Variants in AJAP1 observed in about 807,000 individuals in gnomAD.
AJAP1 encodes adherens junctions associated protein 1.
A neutral mutation model predicts 35.0 loss-of-function variants in AJAP1; 5 were observed. The observed-to-expected ratio is 0.14, with a 90% CI of 0.07 to 0.30. AJAP1 has a LOEUF of 0.30. AJAP1 is among the 10% of genes least tolerant of loss of function. The pLI, the probability that AJAP1 is intolerant of heterozygous loss-of-function variation, is 1.00. For missense variants in AJAP1, 586 were observed against 571.0 expected, an observed-to-expected ratio of 1.03 and a Z score of -0.27; for synonymous variants, 284 against 249.3, an observed-to-expected ratio of 1.14 and a Z score of -1.31.
intron 2 of AJAP1, among the ~76,000 whole-genome samples, chr1:4,763,964 TCTGGTACTTCCACCAGTGTCC>T (rs1448530797): frequency 6.7e-6 from 1 of 150,340 alleles, no homozygotes; most frequent in Non-Finnish European, 1.5e-5. Context: ...GCCTTTAGAC[TCTGGTACTTCCACCAGTGTCC>T]CTGCCCACTG....
chr1:4,676,171 G>A (rs1016051904), intron 1 of AJAP1, among the ~76,000 whole-genome samples: 6 of 152,154 alleles, frequency 3.9e-5, no homozygotes, highest in Admixed American at 3.9e-4. Context: ...AGTGTGCACC[G>A]GCCTTGCCTC....
chr1:4,738,379 A>G (rs12138687), intron 2 of AJAP1, among the ~76,000 whole-genome samples: 15,797 of 152,268 alleles, frequency 0.1, 1,063 homozygotes, highest in South Asian at 0.29. Context: ...ATGTGGATTG[A>G]CTGGGGAGTT....
intron 1 of AJAP1, among the ~76,000 whole-genome samples, chr1:4,683,589 C>T (rs370810466): frequency 1.3e-3 from 198 of 152,352 alleles, no homozygotes; most frequent in African/African-American, 4.4e-3. Flanking sequence ...CAAGGAATTT[C>T]TACGGGTTTT....
rs1401245785 is a variant in AJAP1 at position 4,656,269 on chromosome 1, C to A, written c.29+815C>A. On this transcript the variant is annotated intron_variant, in intron 1 of 5. Coordinates refer to ENST00000378191, the MANE Select transcript of AJAP1 (RefSeq NM_018836.4). This position sits in a 1 kb window ranked among gnomAD's most constrained non-coding sequence, Gnocchi z 5.7. ...CCAGCCCGCCGGGGTTCTCGGGCTT[C>A]TCTGGCTTCTGCCTGGGGTGGCCCA... Among the ~76,000 whole-genome samples the A allele has an allele frequency of 2.6e-5, 4 of 152,188 alleles. No individual in the cohort carries two copies. The highest frequency in any genetic ancestry group is 5.9e-5 in the Non-Finnish European group (4 of 68,036).
In AJAP1 at chr1:4,656,740, C is replaced by T. The variant is rs1191322512; in HGVS notation, c.29+1286C>T. On this transcript the variant is annotated intron_variant, in intron 1 of 5. Transcript: ENST00000378191. The surrounding 1 kb of genome is among the most constrained non-coding windows in gnomAD (Gnocchi z 5.7). Reference sequence around the variant, plus strand: ...AGATGTTATTATTAGCATCCCTTCTCTCAGTGGCCGATCTTGCTGTGGGCT... The same window carrying T: ...AGATGTTATTATTAGCATCCCTTCTTTCAGTGGCCGATCTTGCTGTGGGCT... 6.6e-6 allele frequency among the ~76,000 whole-genome samples: 1 copy of T among 152,206 alleles called. No individual in the cohort carries two copies. Among genetic ancestry groups the T allele is most frequent in the Non-Finnish European group, 1.5e-5 (1 of 68,032 alleles).
chr1:4,675,591 A>T (rs1639345243), intron 1 of AJAP1, among the ~76,000 whole-genome samples: 1 of 152,214 alleles, frequency 6.6e-6, no homozygotes, highest in Admixed American at 6.5e-5. Context: ...TCTGACCCAA[A>T]GCCTCTAGCC....
chr1:4,672,174 C>T (rs755631526), intron 1 of AJAP1, among the ~76,000 whole-genome samples: 2 of 152,136 alleles, frequency 1.3e-5, no homozygotes, highest in Admixed American at 6.5e-5. Context: ...GAGGAGGGAG[C>T]GGTCGGGAGT....
chr1:4,668,644 A>G (rs1378304792), intron 1 of AJAP1, among the ~76,000 whole-genome samples: 1 of 152,194 alleles, frequency 6.6e-6, no homozygotes, highest in Non-Finnish European at 1.5e-5. Context: ...CCCGTAACTC[A>G]GGCTCTGGTG....
At chr1:4,778,059 AT>A (rs1641974849) in intron 5 of AJAP1, among the ~76,000 whole-genome samples, 1 of 152,142 alleles carries the variant, frequency 6.6e-6, no homozygotes, top group Non-Finnish European at 1.5e-5. Context: ...GTATGTATTT[AT>A]TTATTTTTTG....
At chr1:4,750,524 G>C (rs560242459) in intron 2 of AJAP1, among the ~76,000 whole-genome samples, 1 of 152,218 alleles carries the variant, frequency 6.6e-6, no homozygotes, top group Admixed American at 6.5e-5. Flanking sequence ...TGCCAGGCTG[G>C]GATCAGTGGG....
intron 1 of AJAP1, among the ~76,000 whole-genome samples, chr1:4,702,154 G>A (rs567100686): frequency 2.0e-5 from 3 of 151,904 alleles, no homozygotes; most frequent in East Asian, 1.9e-4. Context: ...TGTGTCCCCA[G>A]TATTCTAACA....
In AJAP1 at chr1:4,784,977, C is replaced by G. The variant is rs1470645393; in HGVS notation, c.*2492C>G. 2 of 152,346 alleles carry G rather than the reference C, an allele frequency of 1.3e-5. No individual in the cohort carries two copies. The highest frequency in any genetic ancestry group is 4.9e-5 in the African/African-American group (2 of 41,234). The allele number at this position is 152,346 out of a possible 1,614,324, so 9.4% of individuals were successfully genotyped here. A position where few individuals can be genotyped will look rare whatever the true frequency, so the allele number is the denominator to read the frequency against. ...GCCAACAGGCAGTGGGGTGGCTGCT[C>G]TGGTCTCTGACATTCTGAGCTCCAG... On this transcript the variant is annotated 3_prime_UTR_variant, in exon 6 of 6. Coordinates refer to ENST00000378191, the MANE Select transcript of AJAP1 (RefSeq NM_018836.4).
At chr1:4,683,767 G>A (rs1055810827) in intron 1 of AJAP1, among the ~76,000 whole-genome samples, 6 of 152,184 alleles carry the variant, frequency 3.9e-5, no homozygotes, top group Non-Finnish European at 5.9e-5. Context: ...CTGTGTGCCA[G>A]CTCCCGAGTA....
At chr1:4,719,468 T>C (rs1640469417) in intron 2 of AJAP1, among the ~76,000 whole-genome samples, 1 of 152,014 alleles carries the variant, frequency 6.6e-6, no homozygotes, top group Non-Finnish European at 1.5e-5. Context: ...GCAATACAGA[T>C]TGGAAGGAAA....
At chr1:4,713,596 G>A (rs935131839) in intron 2 of AJAP1, among the ~76,000 whole-genome samples, 7 of 152,202 alleles carry the variant, frequency 4.6e-5, no homozygotes, top group Non-Finnish European at 8.8e-5. Flanking sequence ...GCAGGCCTGC[G>A]GGGAGAGCGC....
intron 2 of AJAP1, among the ~76,000 whole-genome samples, chr1:4,713,478 C>T (rs938910518): frequency 1.3e-5 from 2 of 152,210 alleles, no homozygotes; most frequent in African/African-American, 4.8e-5. Flanking sequence ...TTATTTTCCT[C>T]CTATACGCTG....
intron 2 of AJAP1, among the ~76,000 whole-genome samples, chr1:4,730,343 G>C (rs1242122052): frequency 6.6e-6 from 1 of 152,160 alleles, no homozygotes; most frequent in Non-Finnish European, 1.5e-5. Context: ...CACTGACACA[G>C]AATTCCAGGC....
rs186348049 is a variant in AJAP1 at position 4,707,957 on chromosome 1, C to T, written c.30-3943C>T. On this transcript the variant is annotated intron_variant, in intron 1 of 5. Transcript: ENST00000378191. ...GCTCTCTCTGTGGGTGTGATGTGGG[C>T]GGTACGTTTTTTTTTTGTTTTTTTT... 8.5e-3 allele frequency among the ~76,000 whole-genome samples: 1,178 copies of T among 139,388 alleles called. 12 individuals are homozygous for T. Among genetic ancestry groups the T allele is most frequent in the Non-Finnish European group, 0.013 (852 of 65,722 alleles). 91.4% of individuals were successfully genotyped at this position (139,388 alleles called of 152,430 possible). A position where few individuals can be genotyped will look rare whatever the true frequency, so the allele number is the denominator to read the frequency against.
At chr1:4,768,013 G>T (rs1328908977) in intron 2 of AJAP1, among the ~76,000 whole-genome samples, 1 of 152,240 alleles carries the variant, frequency 6.6e-6, no homozygotes, top group Admixed American at 6.5e-5. Context: ...GGGATTAGGG[G>T]TGGTCCCTGT....
Sources: allele counts gnomAD v4.1 joint callset (sites outside exome capture counted in the v4.1 genomes callset), GRCh38; gene constraint gnomAD v4.1.1; non-coding constraint Gnocchi (gnomAD v3.1); transcripts MANE v1.5; gene names NCBI Gene and HGNC (gene_info 2026-07-23, HGNC 2026-07-21).